The following SMIM23 variants were observed in gnomAD, a reference collection of about 807,000 sequenced individuals.
SMIM23 encodes the protein small integral membrane protein 23.
In SMIM23, 10 loss-of-function variants were observed where a neutral mutation model predicts 12.8. The ratio of observed to expected loss-of-function variants is 0.78; its 90% CI spans 0.48 to 1.32. SMIM23 has a LOEUF of 1.32. Ranked by LOEUF, SMIM23 falls within the 40% of genes most tolerant of loss-of-function variation. The pLI is 0.00. For missense variants in SMIM23, 184 were observed against 198.2 expected (o/e 0.93, Z 0.43); for synonymous variants, 78 against 80.1 (o/e 0.97, Z 0.14).
chr5:171,777,309 T>C, the SMIM23 span, among the ~76,000 whole-genome samples: 1 of 152,210 alleles, frequency 6.6e-6, no homozygotes, highest in African/African-American at 2.4e-5. Context: ...TAGAAGCACA[T>C]TACAGAGCAG....
upstream of SMIM23, among the ~76,000 whole-genome samples, chr5:171,780,539 T>G (rs17073966): frequency 0.1 from 15,261 of 152,276 alleles, 861 homozygotes; most frequent in Non-Finnish European, 0.11. Flanking sequence ...ATTACTTTTT[T>G]TGTGTGTGAC....
upstream of SMIM23, among the ~76,000 whole-genome samples, chr5:171,780,808 G>T (rs540305493): frequency 4.6e-5 from 7 of 152,162 alleles, no homozygotes; most frequent in Admixed American, 4.6e-4. Flanking sequence ...TCTTGGGTTG[G>T]ACTCTTTCTT....
chr5:171,781,683 T>C (rs1266583768), upstream of SMIM23, among the ~76,000 whole-genome samples: 2 of 152,136 alleles, frequency 1.3e-5, no homozygotes, highest in South Asian at 2.1e-4. Context: ...AATAAAGATA[T>C]GCAGAAAAGG....
At chr5:171,776,090 T>C in the SMIM23 span, among the ~76,000 whole-genome samples, 6 of 152,170 alleles carry the variant, frequency 3.9e-5, no homozygotes, top group African/African-American at 1.4e-4. Context: ...AGGCTGGTCT[T>C]GAACTCCTGA....
At chr5:171,785,405 T>G (rs1348936073), upstream of SMIM23, among the ~76,000 whole-genome samples, 3 of 151,870 alleles carry the variant, frequency 2.0e-5, no homozygotes, top group African/African-American at 7.3e-5. Context: ...TTTATTGTTT[T>G]TTTTTTTTTT....
chr5:171,790,600 A>G (rs1459220038), intron 3 of SMIM23, 51 bp downstream of exon 3: 11 of 1,506,760 alleles, frequency 7.3e-6, no homozygotes, highest in Non-Finnish European at 9.8e-6. Flanking sequence ...AAGGCTTTCC[A>G]GAGGAGGTGT....
the SMIM23 span, among the ~76,000 whole-genome samples, chr5:171,775,431 G>C: frequency 6.6e-6 from 1 of 152,022 alleles, no homozygotes; most frequent in Non-Finnish European, 1.5e-5. Context: ...AAAGGATCTT[G>C]TTAGTCCTGC....
At chr5:171,772,648 G>A in the SMIM23 span, among the ~76,000 whole-genome samples, 3,075 of 152,232 alleles carry the variant, frequency 0.02, 35 homozygotes, top group Non-Finnish European at 0.034. Flanking sequence ...TGGGTTCAGC[G>A]AGGCAGCGAG....
chr5:171,785,832 C>A lies in SMIM23; in HGVS notation c.-40C>A. The A allele has an allele frequency of 1.3e-6, 2 of 1,493,914 alleles. No individual in the cohort carries two copies. Among genetic ancestry groups the A allele is most frequent in the Non-Finnish European group, 1.8e-6 (2 of 1,108,410 alleles). The allele number at this position is 1,493,914 out of a possible 1,614,324, so 92.5% of individuals were successfully genotyped here. A position where few individuals can be genotyped will look rare whatever the true frequency, so the allele number is the denominator to read the frequency against. ...GGGGAGGGGAAGGGTGCCCTTCTGT[C>A]TGTTGAGTGTGGTCCACCCAGGCAG... On this transcript the variant is annotated 5_prime_UTR_variant, in exon 1 of 4. The change creates a new upstream start codon in the 5' untranslated region. Coordinates refer to ENST00000523047, the MANE Select transcript of SMIM23 (RefSeq NM_001289970.2).
chr5:171,773,200 C>T, the SMIM23 span, among the ~76,000 whole-genome samples: 3 of 152,128 alleles, frequency 2.0e-5, no homozygotes, highest in East Asian at 3.9e-4. Flanking sequence ...CTCTTGAGTC[C>T]GACTTTCCTC....
At chr5:171,778,494 GAT>G (rs796092509), upstream of SMIM23, among the ~76,000 whole-genome samples, 481 of 118,922 alleles carry the variant, frequency 4.0e-3, 4 homozygotes, top group African/African-American at 0.013. Flanking sequence ...CACACACACA[GAT>G]AGAGACAGAG....
intron 1 of SMIM23, among the ~76,000 whole-genome samples, chr5:171,787,946 A>G (rs1755848490): frequency 2.0e-5 from 3 of 151,268 alleles, no homozygotes; most frequent in Admixed American, 2.0e-4. Flanking sequence ...TTTTTTTTTT[A>G]AGTTAATAGT....
At chr5:171,777,908 C>T (rs1046772055), upstream of SMIM23, among the ~76,000 whole-genome samples, 2 of 152,176 alleles carry the variant, frequency 1.3e-5, no homozygotes, top group Non-Finnish European at 2.9e-5. Context: ...GCTGTCCTTG[C>T]CCAGAGCTTT....
upstream of SMIM23, chr5:171,782,743 AT>A (rs1366121635): frequency 6.6e-6 from 1 of 152,238 alleles, no homozygotes; most frequent in East Asian, 1.9e-4. Context: ...ACCGTTCATT[AT>A]TCATCCTTTC....
chr5:171,778,447 TCACA>T (rs4041455), upstream of SMIM23, among the ~76,000 whole-genome samples: 35,730 of 141,292 alleles, frequency 0.25, 4,498 homozygotes, highest in East Asian at 0.35. Context: ...TGGGAAAATT[TCACA>T]CACACACACA....
At chr5:171,790,085 G>A (rs550766720) in intron 1 of SMIM23, 145 bp from the exon 2 acceptor site, 26 of 721,582 alleles carry the variant, frequency 3.6e-5, no homozygotes, top group African/African-American at 7.1e-5. Flanking sequence ...GTAAGTAAGT[G>A]TGACTTAGAT....
At chr5:171,787,601 A>C (rs1454734968) in intron 1 of SMIM23, among the ~76,000 whole-genome samples, 1 of 152,238 alleles carries the variant, frequency 6.6e-6, no homozygotes, top group Non-Finnish European at 1.5e-5. Context: ...GATTGTGACA[A>C]TTAGTGTGTG....
upstream of SMIM23, among the ~76,000 whole-genome samples, chr5:171,784,324 T>G (rs1755775618): frequency 6.6e-6 from 1 of 151,922 alleles, no homozygotes; most frequent in African/African-American, 2.4e-5. Context: ...GCTAACACGG[T>G]GAAATCCCAT....
chr5:171,782,506 T>C (rs1472972090), upstream of SMIM23: 1 of 152,182 alleles, frequency 6.6e-6, no homozygotes, highest in East Asian at 1.9e-4. Context: ...TGAAATAACG[T>C]GTGGAAGGGA....
Sources: allele counts gnomAD v4.1 joint callset (sites outside exome capture counted in the v4.1 genomes callset), GRCh38; gene constraint gnomAD v4.1.1; transcripts MANE v1.5; gene names NCBI Gene and HGNC (gene_info 2026-07-23, HGNC 2026-07-21).